Variants in SOCS2 observed in about 807,000 individuals in gnomAD.
SOCS2 encodes CIS-2.
A neutral mutation model predicts 18.6 loss-of-function variants in SOCS2; 10 were observed. The observed-to-expected ratio is 0.54, with a 90% CI of 0.33 to 0.91. SOCS2 has a LOEUF of 0.91. Ranked by LOEUF, SOCS2 falls within the 40% of genes least tolerant of loss-of-function variation. The probability of loss-of-function intolerance (pLI) is 0.02; values close to 1 mark genes in which losing one functional copy is unlikely to be tolerated. For synonymous variants in SOCS2, 104 were observed against 104.0 expected, an observed-to-expected ratio of 1.00 and a Z score of 0.00; for missense variants, 231 against 247.2, an observed-to-expected ratio of 0.93 and a Z score of 0.44.
chr12:93,572,884 G>T lies in SOCS2; in HGVS notation c.-14G>T. The T allele has an allele frequency of 6.4e-7, 1 of 1,567,632 alleles. No homozygotes were observed. On this transcript the variant is annotated 5_prime_UTR_variant, in exon 1 of 2. Transcript: ENST00000551556. This position sits in a 1 kb window ranked among gnomAD's most constrained non-coding sequence, Gnocchi z 5.0. ...CGGGCGGCCACCTGTCTTTGCCGCG[G>T]TGACCCTTCTCTCATGACCCTGCGG...
the SOCS2 span, among the ~76,000 whole-genome samples, chr12:93,592,640 A>G: frequency 6.6e-6 from 1 of 152,258 alleles, no homozygotes; most frequent in Admixed American, 6.5e-5. Flanking sequence ...CAAGTTGTAC[A>G]CATAGCTGAG....
chr12:93,572,917 A>G lies in SOCS2; in HGVS notation c.20A>G (p.Glu7Gly), dbSNP rs7956250. MTLRCL[E>G]PSGNGGEGTR... ...TCTCTCATGACCCTGCGGTGCCTTG[A>G]GCCCTCCGGGAATGGCGGGGAAGGG... is the stretch of plus-strand genomic sequence containing the variant. The change falls in exon 1 of 2, where the codon GAG becomes GGG. Residue 7 changes from glutamate (E) to glycine (G), a missense_variant. Transcript: ENST00000551556. This position sits in a 1 kb window ranked among gnomAD's most constrained non-coding sequence, Gnocchi z 5.0. 4.7e-3 allele frequency: 7,406 copies of G among 1,581,162 alleles called. 301 individuals carry two copies. In the African/African-American group the frequency reaches 0.089, roughly 19 times the overall value.
At chr12:93,571,843 C>G (rs1002959933), upstream of SOCS2, 1 of 415,158 alleles carries the variant, frequency 2.4e-6, no homozygotes, top group Non-Finnish European at 4.7e-6. Flanking sequence ...TTCCCCCCAC[C>G]CCCCCGCCCC....
chr12:93,611,183 G>C, the SOCS2 span, among the ~76,000 whole-genome samples: 1 of 152,088 alleles, frequency 6.6e-6, no homozygotes, highest in Non-Finnish European at 1.5e-5. Context: ...CCTCTGCTGA[G>C]CAAATTTTGC....
chr12:93,602,362 C>T, the SOCS2 span, among the ~76,000 whole-genome samples: 4 of 152,170 alleles, frequency 2.6e-5, no homozygotes, highest in Non-Finnish European at 5.9e-5. Context: ...TTTCAAGGTA[C>T]TGGGATTACA....
At chr12:93,614,480 T>TTTCTTTCTTTCCTTCCTTCC in the SOCS2 span, among the ~76,000 whole-genome samples, 1 of 26,152 alleles carries the variant, frequency 3.8e-5, no homozygotes, top group African/African-American at 2.2e-4. Context: ...CCTTCCTTCC[T>TTTCTTTCTTTCCTTCCTTCC]TTCCTTCCTT....
the SOCS2 span, among the ~76,000 whole-genome samples, chr12:93,614,047 A>G: frequency 6.6e-6 from 1 of 152,254 alleles, no homozygotes; most frequent in Non-Finnish European, 1.5e-5. Context: ...CTTTACTTGG[A>G]ATGGACTGAG....
the SOCS2 span, among the ~76,000 whole-genome samples, chr12:93,590,056 A>G: frequency 3.3e-5 from 5 of 152,038 alleles, no homozygotes; most frequent in Non-Finnish European, 7.4e-5. Context: ...GTTCGAGACC[A>G]GCCTGACCAA....
chr12:93,597,809 TCCTAC>T, the SOCS2 span, among the ~76,000 whole-genome samples: 2 of 152,158 alleles, frequency 1.3e-5, no homozygotes, highest in Non-Finnish European at 2.9e-5. Flanking sequence ...CCTACTGACC[TCCTAC>T]CCTCCCTAGA....
At chr12:93,598,833 T>A in the SOCS2 span, among the ~76,000 whole-genome samples, 1 of 152,146 alleles carries the variant, frequency 6.6e-6, no homozygotes, top group East Asian at 1.9e-4. Flanking sequence ...GATACTAGAG[T>A]TTCTCTGGAG....
the SOCS2 span, among the ~76,000 whole-genome samples, chr12:93,615,792 C>T: frequency 6.6e-6 from 1 of 152,196 alleles, no homozygotes; most frequent in African/African-American, 2.4e-5. Flanking sequence ...GACAGGGTTT[C>T]ACCATGTTGA....
exon 2 of SOCS2, chr12:93,583,259 G>A (rs1489688514): frequency 6.6e-6 from 1 of 152,096 alleles, no homozygotes; most frequent in Non-Finnish European, 1.5e-5. Context: ...CTAACAAACA[G>A]ATGTGTTCCC....
chr12:93,574,656 G>T, intron 1 of SOCS2, 66 bp from the exon 2 acceptor site: 8 of 1,185,354 alleles, frequency 6.7e-6, no homozygotes, highest in Non-Finnish European at 1.2e-6. Flanking sequence ...TACTTGCTCT[G>T]TTCTAAGAAT....
the SOCS2 span, among the ~76,000 whole-genome samples, chr12:93,616,881 G>A: frequency 2.1e-4 from 32 of 152,246 alleles, no homozygotes; most frequent in Admixed American, 3.9e-4. Context: ...GTTTCTTCTC[G>A]ATTAATGAAA....
the SOCS2 span, among the ~76,000 whole-genome samples, chr12:93,619,186 C>A: frequency 1.3e-5 from 2 of 152,198 alleles, no homozygotes; most frequent in African/African-American, 4.8e-5. Context: ...GAGCTACCCA[C>A]CACAGCCATG....
downstream of SOCS2, among the ~76,000 whole-genome samples, chr12:93,584,514 A>G (rs528243929): frequency 6.6e-6 from 1 of 152,290 alleles, no homozygotes; most frequent in East Asian, 1.9e-4. Context: ...CATTTTCTCA[A>G]TAAGCTTGCA....
At chr12:93,622,719 A>G in the SOCS2 span, among the ~76,000 whole-genome samples, 4 of 152,108 alleles carry the variant, frequency 2.6e-5, no homozygotes, top group Admixed American at 6.5e-5. Flanking sequence ...GGATGTGCCT[A>G]TAAGAGGGAT....
chr12:93,610,084 G>T, the SOCS2 span, among the ~76,000 whole-genome samples: 1 of 152,134 alleles, frequency 6.6e-6, no homozygotes, highest in Non-Finnish European at 1.5e-5. Context: ...CAACACAGTC[G>T]CACTGAGGAT....
At chr12:93,597,603 G>T in the SOCS2 span, among the ~76,000 whole-genome samples, 4 of 152,058 alleles carry the variant, frequency 2.6e-5, no homozygotes, top group African/African-American at 9.7e-5. Context: ...GGTGTGAGCC[G>T]CCATGCCCGA....
Sources: allele counts gnomAD v4.1 joint callset (sites outside exome capture counted in the v4.1 genomes callset), GRCh38; gene constraint gnomAD v4.1.1; non-coding constraint Gnocchi (gnomAD v3.1); transcripts MANE v1.5; gene names NCBI Gene and HGNC (gene_info 2026-07-23, HGNC 2026-07-21).